Variants in ZSWIM5 observed in about 807,000 individuals in gnomAD.
ZSWIM5 encodes the protein zinc finger SWIM-type containing 5, also known as zinc finger SWIM domain-containing protein 5.
A neutral mutation model predicts 119.6 loss-of-function variants in ZSWIM5; 55 were observed. That is an observed-to-expected ratio of 0.46 (90% CI 0.37 to 0.58). The LOEUF (loss-of-function observed/expected upper bound fraction) is 0.58, where lower values mean the gene tolerates loss of function less well. ZSWIM5 is among the 20% of genes least tolerant of loss of function. The pLI, the probability that ZSWIM5 is intolerant of heterozygous loss-of-function variation, is 0.00. For missense variants in ZSWIM5, 1,193 were observed against 1,512.8 expected (o/e 0.79, Z 3.51); for synonymous variants, 537 against 606.9 (o/e 0.88, Z 1.69).
chr1:45,132,384 T>C (rs1215065837), intron 1 of ZSWIM5, among the ~76,000 whole-genome samples: 2 of 152,144 alleles, frequency 1.3e-5, no homozygotes, highest in Non-Finnish European at 1.5e-5. Flanking sequence ...TATGATTCTA[T>C]GCTGGTAGCA....
At chr1:45,038,802 C>T in intron 8 of ZSWIM5, 134 bp downstream of exon 8, 1 of 1,047,526 alleles carries the variant, frequency 9.5e-7, no homozygotes, top group Non-Finnish European at 1.4e-6. Flanking sequence ...TGCCATGTTG[C>T]CCAGGCTGGT....
Position 45,057,733 on chromosome 1 carries a change from C to T in ZSWIM5, c.1252+876G>A, listed in dbSNP as rs1645130915. On this transcript the variant is annotated intron_variant, in intron 4 of 13. Coordinates refer to ENST00000359600, the MANE Select transcript of ZSWIM5 (RefSeq NM_020883.2). The surrounding 1 kb of genome is among the most constrained non-coding windows in gnomAD (Gnocchi z 4.7). The stretch of plus-strand genomic sequence containing the variant: ...CTGAAAGCAGGGCAAGAAGTATTAG[C>T]ATTGCAAAACTGGTCTTAGAGCAAG... Among the ~76,000 whole-genome samples, 1 of 152,174 alleles carries T rather than the reference C, an allele frequency of 6.6e-6. No individual in the cohort carries two copies. The highest frequency in any genetic ancestry group is 2.4e-5 in the African/African-American group (1 of 41,436).
intron 11 of ZSWIM5, among the ~76,000 whole-genome samples, chr1:45,021,335 T>G (rs4660292): frequency 0.98 from 149,313 of 152,306 alleles, 73,223 homozygotes; most frequent in Middle Eastern, 1. Context: ...TTGAACACCT[T>G]AATTTCCAGA....
chr1:45,190,739 T>C (rs1198389432), intron 1 of ZSWIM5, among the ~76,000 whole-genome samples: 3 of 151,920 alleles, frequency 2.0e-5, no homozygotes, highest in Non-Finnish European at 4.4e-5. Context: ...AACACCAAGA[T>C]AGAATGAGAA....
At chr1:45,194,664 T>A (rs1646111564) in intron 1 of ZSWIM5, among the ~76,000 whole-genome samples, 1 of 151,956 alleles carries the variant, frequency 6.6e-6, no homozygotes, top group Non-Finnish European at 1.5e-5. Flanking sequence ...GATCACGAGG[T>A]CAGGAGATCG....
intron 1 of ZSWIM5, among the ~76,000 whole-genome samples, chr1:45,179,301 G>A (rs1646000229): frequency 6.6e-6 from 1 of 152,062 alleles, no homozygotes; most frequent in Non-Finnish European, 1.5e-5. Flanking sequence ...CAAAAACATG[G>A]ATGCACCTGG....
intron 1 of ZSWIM5, among the ~76,000 whole-genome samples, chr1:45,175,026 A>G (rs1215555132): frequency 6.6e-6 from 1 of 152,146 alleles, no homozygotes; most frequent in African/African-American, 2.4e-5. Context: ...AAATGTCCCC[A>G]TAAGGATCCA....
intron 1 of ZSWIM5, among the ~76,000 whole-genome samples, chr1:45,185,320 C>G (rs4506501): frequency 0.064 from 9,568 of 148,724 alleles, 336 homozygotes; most frequent in Non-Finnish European, 0.093. Context: ...TAGGCATTAC[C>G]ATTCAGGACA....
intron 1 of ZSWIM5, among the ~76,000 whole-genome samples, chr1:45,116,584 G>A (rs1438651808): frequency 1.3e-5 from 2 of 152,132 alleles, no homozygotes; most frequent in South Asian, 2.1e-4. Context: ...TTAAACTGCA[G>A]AAGAAAGCCC....
intron 1 of ZSWIM5, among the ~76,000 whole-genome samples, chr1:45,110,068 TG>T (rs1645507776): frequency 6.6e-6 from 1 of 152,136 alleles, no homozygotes; most frequent in Non-Finnish European, 1.5e-5. Flanking sequence ...GATATCACTA[TG>T]TTGCCCAGGC....
chr1:45,017,646 T>A lies in ZSWIM5; in HGVS notation c.*808A>T, dbSNP rs574973632. 4.6e-5 allele frequency: 7 copies of A among 152,404 alleles called. No individual in the cohort carries two copies. The highest frequency in any genetic ancestry group is 4.6e-4 in the Admixed American group (7 of 15,304). The allele number at this position is 152,404 out of a possible 1,614,324, so 9.4% of individuals were successfully genotyped here. On this transcript the variant is annotated 3_prime_UTR_variant, in exon 14 of 14. Transcript: ENST00000359600. ...CACAAAGGTGACCACAGTAGATGAA[T>A]ATTATGAACTCAGCGGCTTCCCAGA...
intron 1 of ZSWIM5, among the ~76,000 whole-genome samples, chr1:45,185,917 T>C (rs1646055201): frequency 1.3e-5 from 2 of 152,300 alleles, no homozygotes; most frequent in South Asian, 2.1e-4. Context: ...ACCCAAAGGA[T>C]TGTAAATCAT....
At chr1:45,091,697 A>C (rs1483964710) in intron 1 of ZSWIM5, among the ~76,000 whole-genome samples, 1 of 151,944 alleles carries the variant, frequency 6.6e-6, no homozygotes, top group Non-Finnish European at 1.5e-5. Flanking sequence ...CAACCAACCA[A>C]CCAAACAAAC....
chr1:45,034,446 G>A lies in ZSWIM5; in HGVS notation c.2315C>T (p.Ala772Val), dbSNP rs1341627325. The A allele has an allele frequency of 1.2e-6, 2 of 1,609,674 alleles. No homozygotes were observed. Among genetic ancestry groups the A allele is most frequent in the South Asian group, 2.2e-5 (2 of 90,390 alleles). Reference protein sequence around the residue: ...AMRLPVLENSASAGDTSHPHH... With the variant: ...AMRLPVLENSVSAGDTSHPHH... ...AGGGTGGGATGTGTCGCCTGCAGAA[G>A]CTGAGTTTTCTAAAACAGGTAACCT... The change falls in exon 11 of 14, where the codon GCT becomes GTT. Residue 772 changes from alanine to valine, a missense_variant. Physicochemically the swap from Ala to Val is moderately conservative, Grantham distance 64 (BLOSUM62 0). Coordinates refer to ENST00000359600, the MANE Select transcript of ZSWIM5 (RefSeq NM_020883.2).
chr1:45,073,065 T>C (rs1439075619), intron 2 of ZSWIM5, among the ~76,000 whole-genome samples: 2 of 151,876 alleles, frequency 1.3e-5, no homozygotes, highest in East Asian at 1.9e-4. Flanking sequence ...ATGGAATATC[T>C]TTCCATTTTT....
At chr1:45,093,748 G>T (rs557381696) in intron 1 of ZSWIM5, among the ~76,000 whole-genome samples, 1 of 151,968 alleles carries the variant, frequency 6.6e-6, no homozygotes, top group East Asian at 1.9e-4. Context: ...AAGCCAAGTA[G>T]ACTAGGTTTA....
At chr1:45,080,191 T>C (rs995407293) in intron 2 of ZSWIM5, among the ~76,000 whole-genome samples, 12 of 152,172 alleles carry the variant, frequency 7.9e-5, no homozygotes, top group African/African-American at 2.9e-4. Flanking sequence ...CAGTTCAGCA[T>C]TAGGACTTGC....
At chr1:45,041,168 A>C (rs573504594) in intron 6 of ZSWIM5, among the ~76,000 whole-genome samples, 2 of 152,368 alleles carry the variant, frequency 1.3e-5, no homozygotes, top group Admixed American at 1.3e-4. Context: ...GTAAAAGCAT[A>C]AAAATTATTC....
rs533761488 is a variant in ZSWIM5, at chr1:45,123,538, CAG to C, written c.596-35303_596-35302del. On this transcript the variant is annotated intron_variant, in intron 1 of 13. Transcript: ENST00000359600. ...ATCGGTAAACTTGAAGACAGAATAA[CAG>C]AAATTACCTAATCTGAAAAACAGAG... Among the ~76,000 whole-genome samples the C allele has an allele frequency of 9.2e-5, 14 of 152,192 alleles. No individual in the cohort carries two copies. The East Asian group carries it at 2.7e-3, about 29-fold the overall frequency.
Sources: allele counts gnomAD v4.1 joint callset (sites outside exome capture counted in the v4.1 genomes callset), GRCh38; gene constraint gnomAD v4.1.1; non-coding constraint Gnocchi (gnomAD v3.1); transcripts MANE v1.5; gene names NCBI Gene and HGNC (gene_info 2026-07-23, HGNC 2026-07-21).